ANK3: variants seen among roughly 807,000 people sequenced by gnomAD.
ANK3 encodes ankyrin 3.
In ANK3, 57 loss-of-function variants were observed where a neutral mutation model predicts 370.9. The observed-to-expected ratio is 0.15, with a 90% CI of 0.12 to 0.19. ANK3 has a LOEUF of 0.19. ANK3 is among the 10% of genes least tolerant of loss of function. The probability of loss-of-function intolerance (pLI) is 1.00; values close to 1 mark genes in which losing one functional copy is unlikely to be tolerated. For synonymous variants in ANK3, 1,929 were observed against 1,946.3 expected (o/e 0.99, Z 0.23); for missense variants, 4,439 against 5,302.1 (o/e 0.84, Z 5.06).
chr10:60,497,827 TGCACCATACAAA>T (rs1253092855), intron 2 of ANK3, among the ~76,000 whole-genome samples: 1 of 152,160 alleles, frequency 6.6e-6, no homozygotes, highest in Non-Finnish European at 1.5e-5. Context: ...GAGATATAGA[TGCACCATACAAA>T]GCACCGCACA....
At chr10:60,337,925 T>C (rs2053397925) in intron 1 of ANK3, among the ~76,000 whole-genome samples, 1 of 152,246 alleles carries the variant, frequency 6.6e-6, no homozygotes, top group Non-Finnish European at 1.5e-5. Flanking sequence ...TCCCATTATC[T>C]GATTTTATAT....
At chr10:60,482,795 A>G (rs1307857071) in intron 2 of ANK3, among the ~76,000 whole-genome samples, 1 of 152,144 alleles carries the variant, frequency 6.6e-6, no homozygotes, top group Non-Finnish European at 1.5e-5. Context: ...CCTTCTACCA[A>G]CATCTTAAGA....
intron 5 of ANK3, among the ~76,000 whole-genome samples, chr10:60,269,101 T>A (rs1039401712): frequency 6.6e-6 from 1 of 152,202 alleles, no homozygotes; most frequent in Non-Finnish European, 1.5e-5. Context: ...TAACCCTGCA[T>A]CTGCCCTAAT....
intron 1 of ANK3, among the ~76,000 whole-genome samples, chr10:60,710,645 C>T (rs912359228): frequency 2.6e-5 from 4 of 151,892 alleles, no homozygotes; most frequent in Admixed American, 6.6e-5. Context: ...ATAAGAGGAC[C>T]CACACAATTC....
chr10:60,387,004 A>C (rs1221673328), intron 1 of ANK3, among the ~76,000 whole-genome samples: 1 of 152,124 alleles, frequency 6.6e-6, no homozygotes, highest in African/African-American at 2.4e-5. Flanking sequence ...TACTAAAAGT[A>C]CAAAAATTAG....
intron 2 of ANK3, among the ~76,000 whole-genome samples, chr10:60,412,878 G>A (rs1467794382): frequency 6.6e-6 from 1 of 152,118 alleles, no homozygotes; most frequent in Non-Finnish European, 1.5e-5. Flanking sequence ...GCCACTTGAG[G>A]ACAGAGTGCA....
In ANK3 at chr10:60,151,934, T is replaced by C. The variant is rs561375547; in HGVS notation, c.2615-12847A>G. Among the ~76,000 whole-genome samples, 49 of 152,312 alleles carry C rather than the reference T, an allele frequency of 3.2e-4. No homozygotes were observed. The Middle Eastern group carries it at 0.01, about 32-fold the overall frequency. On this transcript the variant is annotated intron_variant, in intron 23 of 43. Transcript: ENST00000280772. ...ATGACAATGGCTCCAATTTAATCATTGTGAGGGTTAAATTACATAATGCAT... is the reference window on the plus strand; with the variant it reads ...ATGACAATGGCTCCAATTTAATCATCGTGAGGGTTAAATTACATAATGCAT...
chr10:60,390,784 G>A (rs2063039451), upstream of ANK3, among the ~76,000 whole-genome samples: 1 of 105,714 alleles, frequency 9.5e-6, no homozygotes. Flanking sequence ...ATTTCACCAA[G>A]AAAATGAGTC....
At chr10:60,207,725 A>C (rs571901026) in intron 10 of ANK3, among the ~76,000 whole-genome samples, 2 of 152,280 alleles carry the variant, frequency 1.3e-5, no homozygotes, top group Non-Finnish European at 2.9e-5. Context: ...TAATTCACAG[A>C]ATTATAAGTT....
Position 60,293,228 on chromosome 10 carries a change from C to T in ANK3, c.115-13589G>A, listed in dbSNP as rs150204594. ...TAAACATCCCCCTCCTGGAGGGATC[C>T]GCTGGCATTCATCTCATCACGCCTT... is the stretch of plus-strand genomic sequence containing the variant. On this transcript the variant is annotated intron_variant, in intron 1 of 43. Coordinates refer to ENST00000280772, the MANE Select transcript of ANK3 (RefSeq NM_020987.5). Among the ~76,000 whole-genome samples the T allele has an allele frequency of 1.1e-3, 170 of 152,240 alleles. 2 individuals carry two copies. The highest frequency in any genetic ancestry group is 0.011 in the East Asian group (56 of 5,182).
chr10:60,084,877 G>A (rs1189910648), intron 31 of ANK3, 47 bp from the exon 32 acceptor site: 1 of 1,369,738 alleles, frequency 7.3e-7, no homozygotes, highest in Non-Finnish European at 9.9e-7. Context: ...CTATTTAAAA[G>A]CCAAATCTTA....
chr10:60,139,093 G>A lies in ANK3; in HGVS notation c.2615-6C>T. The A allele has an allele frequency of 6.2e-7, 1 of 1,613,172 alleles. No homozygotes were observed. Among genetic ancestry groups the A allele is most frequent in the Non-Finnish European group, 8.5e-7 (1 of 1,179,606 alleles). ...CCCGGTCATTGCATCTTCACCTGCA[G>A]ATGTAGAGAGTAAGCCCACATCAAA... On this transcript the variant is annotated splice_polypyrimidine_tract_variant and splice_region_variant and intron_variant, in intron 23 of 43. Coordinates refer to ENST00000280772, the MANE Select transcript of ANK3 (RefSeq NM_020987.5).
chr10:60,033,950 TA>T (rs2074300909), intron 43 of ANK3, among the ~76,000 whole-genome samples: 15 of 152,136 alleles, frequency 9.9e-5, no homozygotes, highest in Admixed American at 9.2e-4. Context: ...AAAAATTTTT[TA>T]AAACTCGATA....
intron 2 of ANK3, among the ~76,000 whole-genome samples, chr10:60,536,475 T>C (rs906471366): frequency 6.6e-6 from 1 of 152,040 alleles, no homozygotes; most frequent in African/African-American, 2.4e-5. Context: ...TTTTACAAAC[T>C]AAACATGGAA....
intron 1 of ANK3, among the ~76,000 whole-genome samples, chr10:60,301,525 T>C (rs1474191852): frequency 6.6e-6 from 1 of 151,662 alleles, no homozygotes; most frequent in African/African-American, 2.4e-5. Flanking sequence ...GCAATTCTCT[T>C]GCCTTAGCCT....
chr10:60,710,939 C>T (rs919828912), intron 1 of ANK3, among the ~76,000 whole-genome samples: 1 of 152,206 alleles, frequency 6.6e-6, no homozygotes, highest in African/African-American at 2.4e-5. Context: ...TCTATTCAAC[C>T]CTTCAACAGA....
chr10:60,715,316 C>T (rs899106539), intron 1 of ANK3, among the ~76,000 whole-genome samples: 21 of 151,538 alleles, frequency 1.4e-4, no homozygotes, highest in African/African-American at 4.4e-4. Flanking sequence ...TCAAGTACCC[C>T]ACAAAATGCC....
At chr10:60,446,722 G>A (rs550315897) in intron 2 of ANK3, among the ~76,000 whole-genome samples, 1 of 152,218 alleles carries the variant, frequency 6.6e-6, no homozygotes, top group South Asian at 2.1e-4. Flanking sequence ...AACTTAAAAA[G>A]TTTATTTGGA....
At chr10:60,077,275 A>G (rs1205545518) in intron 36 of ANK3, among the ~76,000 whole-genome samples, 3 of 152,246 alleles carry the variant, frequency 2.0e-5, no homozygotes, top group African/African-American at 7.2e-5. Context: ...AAAAGAAAAC[A>G]TAATATGAAA....
Sources: gnomAD v4.1 joint callset for allele counts (sites outside exome capture counted in the v4.1 genomes callset) on GRCh38, gnomAD v4.1.1 for gene constraint, MANE v1.5 for transcripts, NCBI Gene and HGNC (gene_info 2026-07-23, HGNC 2026-07-21) for gene names.